The following LAMA2 variants were observed in gnomAD, a reference collection of about 807,000 sequenced individuals.
LAMA2 encodes the protein laminin subunit alpha 2, also known as laminin subunit alpha-2.
In LAMA2, 269 loss-of-function variants were observed where a neutral mutation model predicts 364.8. The observed-to-expected ratio is 0.74, with a 90% CI of 0.67 to 0.82. The LOEUF is 0.82. Ranked by LOEUF, LAMA2 falls within the 40% of genes least tolerant of loss-of-function variation. The pLI is 0.00. For missense variants in LAMA2, 3,807 were observed against 3,873.2 expected (o/e 0.98, Z 0.45); for synonymous variants, 1,379 against 1,370.6 (o/e 1.01, Z -0.14).
At chr6:129,445,390 G>T (rs535126805) in intron 44 of LAMA2, among the ~76,000 whole-genome samples, 1 of 152,278 alleles carries the variant, frequency 6.6e-6, no homozygotes, top group South Asian at 2.1e-4. Context: ...ATTAAGCATT[G>T]AATTAAGTTC....
chr6:129,304,479 G>C (rs1773746278), intron 22 of LAMA2, among the ~76,000 whole-genome samples: 1 of 152,132 alleles, frequency 6.6e-6, no homozygotes, highest in Non-Finnish European at 1.5e-5. Context: ...TAGCCAGGAT[G>C]GTCTCGATCT....
At chr6:128,961,966 T>C (rs1351982825) in intron 1 of LAMA2, among the ~76,000 whole-genome samples, 1 of 151,140 alleles carries the variant, frequency 6.6e-6, no homozygotes, top group African/African-American at 2.4e-5. Flanking sequence ...TCAGAGACAT[T>C]CTGGGGATCA....
chr6:129,397,938 GA>G (rs58131786), intron 37 of LAMA2, among the ~76,000 whole-genome samples: 3,681 of 103,304 alleles, frequency 0.036, 91 homozygotes, highest in African/African-American at 0.13. Flanking sequence ...CTCCGTCTCA[GA>G]AAAAAAAAAA....
intron 48 of LAMA2, 69 bp downstream of exon 48, chr6:129,456,563 G>C: frequency 7.2e-7 from 1 of 1,383,162 alleles, no homozygotes; most frequent in Middle Eastern, 1.8e-4. Context: ...TACTTCAGGA[G>C]AAGGTATGAT....
chr6:129,228,055 G>A (rs1307502875), intron 12 of LAMA2, among the ~76,000 whole-genome samples: 4 of 152,104 alleles, frequency 2.6e-5, no homozygotes, highest in Non-Finnish European at 5.9e-5. Flanking sequence ...CAACCTTGCT[G>A]CCACCTTGCA....
chr6:129,113,432 A>G (rs1235938922), intron 4 of LAMA2, among the ~76,000 whole-genome samples: 1 of 152,018 alleles, frequency 6.6e-6, no homozygotes, highest in Admixed American at 6.6e-5. Flanking sequence ...TGGCTAGCCG[A>G]AAAGCATCTG....
At chr6:129,482,206 T>C (rs1784381134) in intron 55 of LAMA2, among the ~76,000 whole-genome samples, 1 of 152,152 alleles carries the variant, frequency 6.6e-6, no homozygotes, top group Non-Finnish European at 1.5e-5. Flanking sequence ...TATTCAGGAC[T>C]GCTATTCAGC....
At chr6:129,487,750 C>T (rs1054301602) in intron 56 of LAMA2, among the ~76,000 whole-genome samples, 1 of 152,066 alleles carries the variant, frequency 6.6e-6, no homozygotes, top group Non-Finnish European at 1.5e-5. Context: ...TGAATTGATA[C>T]AAAGCGTTCA....
At position 128,888,025 on chromosome 6, in the gene LAMA2, G is replaced by T. The variant is rs917351432; in HGVS notation, c.112+4668G>T. 1.2e-4 allele frequency among the ~76,000 whole-genome samples: 19 copies of T among 152,156 alleles called. 1 individual carries two copies. Among genetic ancestry groups the T allele is most frequent in the Non-Finnish European group, 2.5e-4 (17 of 68,048 alleles). On this transcript the variant is annotated intron_variant, in intron 1 of 64. Transcript: ENST00000421865. ...AATTATTGTAAATGGTTGCACAAGTGGTTTAACTTCTAATCTAGAAGATTC... is the reference window on the plus strand; with the variant it reads ...AATTATTGTAAATGGTTGCACAAGTTGTTTAACTTCTAATCTAGAAGATTC...
intron 8 of LAMA2, among the ~76,000 whole-genome samples, chr6:129,160,559 T>A (rs977676710): frequency 1.3e-5 from 2 of 151,992 alleles, no homozygotes; most frequent in African/African-American, 4.8e-5. Context: ...ATTTTTTGTG[T>A]TTTTATTGAT....
At chr6:129,149,241 C>T in intron 7 of LAMA2, 145 bp downstream of exon 7, 1 of 691,248 alleles carries the variant, frequency 1.4e-6, no homozygotes, top group South Asian at 1.5e-5. Context: ...ACCCATATGT[C>T]TAGCTTTTCC....
At chr6:129,403,780 A>G in intron 39 of LAMA2, 41 bp from the exon 40 acceptor site, 2 of 1,591,112 alleles carry the variant, frequency 1.3e-6, no homozygotes, top group African/African-American at 1.3e-5. Flanking sequence ...TTTGAGTACC[A>G]TTGAGTGCCC....
rs1294809511 is a variant in LAMA2 at position 129,006,793 on chromosome 6, C to A, written c.113-43125C>A. On this transcript the variant is annotated intron_variant, in intron 1 of 64. Coordinates refer to ENST00000421865, the MANE Select transcript of LAMA2 (RefSeq NM_000426.4). ...CCCTTTGTAATCAGATCTCCATCAC[C>A]AGTCCAACTTGGTCTTTGACCTCTT... Among the ~76,000 whole-genome samples the A allele has an allele frequency of 2.6e-5, 4 of 152,136 alleles. No individual in the cohort carries two copies. The East Asian group carries it at 7.7e-4, about 29-fold the overall frequency.
intron 4 of LAMA2, among the ~76,000 whole-genome samples, chr6:129,129,942 A>AC (rs1326787401): frequency 1.3e-5 from 2 of 151,752 alleles, no homozygotes; most frequent in Non-Finnish European, 1.5e-5. Flanking sequence ...AAAAAAAAAA[A>AC]ATAACATATT....
chr6:129,096,837 A>G (rs1775217226), intron 3 of LAMA2, among the ~76,000 whole-genome samples: 2 of 152,234 alleles, frequency 1.3e-5, no homozygotes, highest in Admixed American at 1.3e-4. Context: ...TCAAGCATGC[A>G]TGCATTCAAG....
At chr6:129,309,362 C>T (rs1774069821) in intron 22 of LAMA2, among the ~76,000 whole-genome samples, 1 of 152,190 alleles carries the variant, frequency 6.6e-6, no homozygotes, top group Non-Finnish European at 1.5e-5. Context: ...GGTTTATTCT[C>T]CACTATAACT....
intron 41 of LAMA2, among the ~76,000 whole-genome samples, chr6:129,436,637 T>C (rs1781846564): frequency 6.6e-6 from 1 of 152,130 alleles, no homozygotes; most frequent in Non-Finnish European, 1.5e-5. Context: ...AATAAACTTA[T>C]TAACTTGCTC....
Position 129,438,689 on chromosome 6 carries a change from T to C in LAMA2, c.6012T>C (p.Asn2004=). 6.2e-7 allele frequency: 1 copy of C among 1,609,864 alleles called. No homozygotes were observed. The highest frequency in any genetic ancestry group is 8.5e-7 in the Non-Finnish European group (1 of 1,176,550). The change falls in exon 42 of 65, where the codon AAT becomes AAC. Residue 2004 remains asparagine, a synonymous_variant. Coordinates refer to ENST00000421865, the MANE Select transcript of LAMA2 (RefSeq NM_000426.4). Reference sequence around the variant, plus strand: ...ATGGCTTAAAAACCAGGATAGAAAATGCTGATGCTAGAAATGGGGATCTCT... The same window carrying C: ...ATGGCTTAAAAACCAGGATAGAAAACGCTGATGCTAGAAATGGGGATCTCT... ...HLNGLKTRIE[N]ADARNGDLLR... is the part of the protein sequence containing the mutation.
intron 18 of LAMA2, 35 bp from the exon 19 acceptor site, chr6:129,287,812 C>G: frequency 6.5e-7 from 1 of 1,545,942 alleles, no homozygotes; most frequent in Non-Finnish European, 8.9e-7. Context: ...ACTGAGGTCC[C>G]CCCAAAGGCT....
Sources: gnomAD v4.1 joint callset for allele counts (sites outside exome capture counted in the v4.1 genomes callset) on GRCh38, gnomAD v4.1.1 for gene constraint, MANE v1.5 for transcripts, NCBI Gene and HGNC (gene_info 2026-07-23, HGNC 2026-07-21) for gene names.